The following FNDC3B variants were observed in gnomAD, a reference collection of about 807,000 sequenced individuals.
FNDC3B encodes the protein fibronectin type III domain-containing protein 3B.
A neutral mutation model predicts 151.5 loss-of-function variants in FNDC3B; 12 were observed. The observed-to-expected ratio is 0.08, with a 90% CI of 0.05 to 0.13. The LOEUF (loss-of-function observed/expected upper bound fraction) is 0.13. FNDC3B is among the 10% of genes least tolerant of loss of function. FNDC3B has a pLI of 1.00. For synonymous variants in FNDC3B, 528 were observed against 549.0 expected (o/e 0.96, Z 0.54); for missense variants, 1,214 against 1,505.3 (o/e 0.81, Z 3.20).
intron 6 of FNDC3B, among the ~76,000 whole-genome samples, chr3:172,266,035 C>G (rs907570011): frequency 3.9e-5 from 6 of 152,182 alleles, no homozygotes; most frequent in African/African-American, 1.4e-4. Context: ...TTTTATCCCT[C>G]TGCTCAATTT....
chr3:172,074,031 G>A (rs1717898003), intron 1 of FNDC3B, among the ~76,000 whole-genome samples: 2 of 152,338 alleles, frequency 1.3e-5, no homozygotes, highest in Admixed American at 1.3e-4. Flanking sequence ...TGCAACACAG[G>A]ATGAGGACTG....
rs573742367 is a variant in FNDC3B, at chr3:172,241,999, C to T, written c.265-5534C>T. Among the ~76,000 whole-genome samples, 8 of 152,324 alleles carry T rather than the reference C, an allele frequency of 5.3e-5. No individual in the cohort carries two copies. The East Asian group carries it at 9.6e-4, about 18-fold the overall frequency. On this transcript the variant is annotated intron_variant, in intron 4 of 25. Transcript: ENST00000415807. Reference sequence around the variant, plus strand: ...CAGGCATTGGGTAAATACAGCCATTCGAAATGGGAGAAATTGGCCCAAACA... The same window carrying T: ...CAGGCATTGGGTAAATACAGCCATTTGAAATGGGAGAAATTGGCCCAAACA...
At chr3:172,333,595 C>T (rs1430687634) in intron 14 of FNDC3B, among the ~76,000 whole-genome samples, 1 of 150,974 alleles carries the variant, frequency 6.6e-6, no homozygotes, top group African/African-American at 2.4e-5. Flanking sequence ...CCACCTGCCT[C>T]GGCCTCCCAA....
chr3:172,130,147 G>A (rs114055887), intron 2 of FNDC3B, among the ~76,000 whole-genome samples: 463 of 152,228 alleles, frequency 3.0e-3, no homozygotes, highest in African/African-American at 0.01. Context: ...TGTCAGGACC[G>A]GTCATTGGGC....
chr3:172,214,050 G>C (rs922131753), intron 3 of FNDC3B, among the ~76,000 whole-genome samples: 7 of 152,158 alleles, frequency 4.6e-5, no homozygotes, highest in African/African-American at 1.7e-4. Context: ...CAATAACTTT[G>C]TCAGTTCATT....
intron 2 of FNDC3B, among the ~76,000 whole-genome samples, chr3:172,113,130 T>C (rs991350556): frequency 6.6e-6 from 1 of 152,200 alleles, no homozygotes; most frequent in Non-Finnish European, 1.5e-5. Flanking sequence ...AAGTAGCACT[T>C]GGGGGAAACA....
At chr3:172,270,917 T>C (rs77351096) in intron 6 of FNDC3B, among the ~76,000 whole-genome samples, 6,607 of 152,330 alleles carry the variant, frequency 0.043, 158 homozygotes, top group Non-Finnish European at 0.053. Flanking sequence ...ATGCCAGTCT[T>C]GCACAGCATG....
intron 3 of FNDC3B, among the ~76,000 whole-genome samples, chr3:172,217,689 A>G (rs1199717901): frequency 6.6e-6 from 1 of 152,148 alleles, no homozygotes; most frequent in East Asian, 1.9e-4. Flanking sequence ...AACTTGATAA[A>G]GTAGCTAATT....
intron 4 of FNDC3B, among the ~76,000 whole-genome samples, chr3:172,229,162 T>C (rs1241863944): frequency 6.6e-6 from 1 of 150,984 alleles, no homozygotes; most frequent in Non-Finnish European, 1.5e-5. Context: ...GCTGGACATA[T>C]GTGAGAAGTG....
rs1736498715 is a variant in FNDC3B, at chr3:172,400,081, T to C, written c.*2606T>C. On this transcript the variant is annotated 3_prime_UTR_variant, in exon 26 of 26. Transcript: ENST00000415807. ...TATATGTGATATTGATATATAACTATATATATTGCCATCACACACGAACAA... is the reference window on the plus strand; with the variant it reads ...TATATGTGATATTGATATATAACTACATATATTGCCATCACACACGAACAA... 6.6e-6 allele frequency: 1 copy of C among 152,624 alleles called. No individual in the cohort carries two copies. Among genetic ancestry groups the C allele is most frequent in the East Asian group, 1.9e-4 (1 of 5,196 alleles). The allele number at this position is 152,624 out of a possible 1,614,324, so 9.5% of individuals were successfully genotyped here.
At chr3:172,130,660 G>A (rs887350734) in intron 2 of FNDC3B, among the ~76,000 whole-genome samples, 4 of 152,198 alleles carry the variant, frequency 2.6e-5, no homozygotes, top group East Asian at 3.8e-4. Flanking sequence ...ATAATGTGAC[G>A]ACAGTCCGGA....
At chr3:172,138,452 C>A (rs1721475611) in intron 3 of FNDC3B, among the ~76,000 whole-genome samples, 1 of 152,040 alleles carries the variant, frequency 6.6e-6, no homozygotes, top group African/African-American at 2.4e-5. Context: ...GTCTCTAAAT[C>A]TCAATAGAAG....
At chr3:172,350,412 TG>T (rs1733802232) in intron 21 of FNDC3B, among the ~76,000 whole-genome samples, 1 of 152,238 alleles carries the variant, frequency 6.6e-6, no homozygotes, top group Non-Finnish European at 1.5e-5. Context: ...AAGCCCTAGT[TG>T]ATAGAAACAT....
chr3:172,054,882 ACTT>A (rs1414393198), intron 1 of FNDC3B, among the ~76,000 whole-genome samples: 2 of 152,156 alleles, frequency 1.3e-5, no homozygotes, highest in African/African-American at 4.8e-5. Flanking sequence ...GCACTCAACT[ACTT>A]CTTAAGAGTA....
intron 3 of FNDC3B, among the ~76,000 whole-genome samples, chr3:172,136,832 G>A (rs1009582329): frequency 6.6e-6 from 1 of 152,080 alleles, no homozygotes; most frequent in African/African-American, 2.4e-5. Flanking sequence ...CGACTCTCCT[G>A]CCTAAGCCTC....
At chr3:172,306,241 T>G (rs1731191799) in intron 9 of FNDC3B, among the ~76,000 whole-genome samples, 1 of 152,184 alleles carries the variant, frequency 6.6e-6, no homozygotes, top group Admixed American at 6.5e-5. Context: ...TGGATTGTGG[T>G]GTTTAGAGGA....
intron 20 of FNDC3B, 62 bp downstream of exon 20, chr3:172,346,502 C>A (rs886369153): frequency 1.3e-5 from 13 of 992,640 alleles, no homozygotes; most frequent in Non-Finnish European, 2.0e-5. Flanking sequence ...AATACAAATA[C>A]CAATTATAAG....
At chr3:172,195,317 A>G (rs1197215987) in intron 3 of FNDC3B, among the ~76,000 whole-genome samples, 1 of 152,160 alleles carries the variant, frequency 6.6e-6, no homozygotes, top group African/African-American at 2.4e-5. Context: ...GTGTGAAATT[A>G]TTTTAGTCAT....
chr3:172,108,834 T>G (rs905457734), intron 1 of FNDC3B, among the ~76,000 whole-genome samples: 5 of 152,264 alleles, frequency 3.3e-5, no homozygotes, highest in African/African-American at 9.6e-5. Flanking sequence ...CTTTTCCTCC[T>G]TGCCTTTTCT....
Sources: gnomAD v4.1 joint callset for allele counts (sites outside exome capture counted in the v4.1 genomes callset) on GRCh38, gnomAD v4.1.1 for gene constraint, MANE v1.5 for transcripts, NCBI Gene and HGNC (gene_info 2026-07-23, HGNC 2026-07-21) for gene names.